Variants in CDC42SE2 observed in about 807,000 individuals in gnomAD.
CDC42SE2 encodes the protein CDC42 small effector 2, also known as CDC42 small effector protein 2.
In CDC42SE2, 3 loss-of-function variants were observed where a neutral mutation model predicts 11.5. The ratio of observed to expected loss-of-function variants is 0.26; its 90% CI spans 0.12 to 0.67. The LOEUF (loss-of-function observed/expected upper bound fraction) is 0.67. Ranked by LOEUF, CDC42SE2 falls within the 30% of genes least tolerant of loss-of-function variation. The pLI, the probability that CDC42SE2 is intolerant of heterozygous loss-of-function variation, is 0.80. For synonymous variants in CDC42SE2, 33 were observed against 34.8 expected (o/e 0.95, Z 0.18); for missense variants, 82 against 106.8 (o/e 0.77, Z 1.02).
At chr5:131,367,829 A>T (rs1749903319) in intron 3 of CDC42SE2, among the ~76,000 whole-genome samples, 1 of 152,160 alleles carries the variant, frequency 6.6e-6, no homozygotes, top group African/African-American at 2.4e-5. Context: ...AATTCACCCA[A>T]ATTTCCCTAT....
chr5:131,252,264 T>C (rs1486309359), intron 1 of CDC42SE2, among the ~76,000 whole-genome samples: 1 of 152,246 alleles, frequency 6.6e-6, no homozygotes, highest in Non-Finnish European at 1.5e-5. Context: ...TTCATATATT[T>C]GAACTTTACT....
the CDC42SE2 span, among the ~76,000 whole-genome samples, chr5:131,212,242 G>A: frequency 1.3e-5 from 2 of 151,830 alleles, no homozygotes; most frequent in Admixed American, 6.6e-5. Context: ...TGAGTAGCTG[G>A]GACTACAGGA....
chr5:131,324,835 C>T (rs757511618), intron 2 of CDC42SE2, among the ~76,000 whole-genome samples: 1 of 152,122 alleles, frequency 6.6e-6, no homozygotes, highest in Non-Finnish European at 1.5e-5. Flanking sequence ...TCTTGGCCCA[C>T]TCTTGGTGAA....
upstream of CDC42SE2, among the ~76,000 whole-genome samples, chr5:131,244,679 G>A (rs535799752): frequency 7.2e-4 from 110 of 152,110 alleles, no homozygotes; most frequent in African/African-American, 2.4e-3. Context: ...CCACAGTACC[G>A]CAGCCTGGGC....
At chr5:131,232,555 A>G in the CDC42SE2 span, among the ~76,000 whole-genome samples, 2 of 151,826 alleles carry the variant, frequency 1.3e-5, no homozygotes, top group Non-Finnish European at 2.9e-5. Flanking sequence ...CAACATGATG[A>G]AACCCCATCT....
At chr5:131,299,432 G>A (rs1010204602) in intron 1 of CDC42SE2, among the ~76,000 whole-genome samples, 3 of 152,114 alleles carry the variant, frequency 2.0e-5, no homozygotes, top group African/African-American at 7.2e-5. Context: ...GTTTGGCTGT[G>A]GGGGATGAGA....
Position 131,385,563 on chromosome 5 carries a change from C to T in CDC42SE2, c.75C>T (p.Asp25=), listed in dbSNP as rs1750456721. ...TTTAGAAAAGGCGACGGCGGATTGA[C>T]AGAAGTATGATTGGAGAGCCCACAA... ...QPQPKRRRRI[D]RSMIGEPTNF... The change falls in exon 4 of 5, where the codon GAC becomes GAT. Residue 25 remains aspartate, a synonymous_variant. Transcript: ENST00000505065. 16 of 1,613,444 alleles carry T rather than the reference C, an allele frequency of 9.9e-6. No homozygotes were observed. The highest frequency in any genetic ancestry group is 1.4e-5 in the Non-Finnish European group (16 of 1,179,634).
chr5:131,230,890 C>T, the CDC42SE2 span, among the ~76,000 whole-genome samples: 1 of 152,116 alleles, frequency 6.6e-6, no homozygotes, highest in East Asian at 1.9e-4. Flanking sequence ...TACAGATTTT[C>T]TCATTGTTAA....
intron 1 of CDC42SE2, among the ~76,000 whole-genome samples, chr5:131,279,451 T>C (rs7700658): frequency 0.024 from 1,662 of 68,786 alleles, no homozygotes; most frequent in Non-Finnish European, 0.042. Flanking sequence ...TTCTCAGCCC[T>C]CCCCCCCCCC....
intron 1 of CDC42SE2, among the ~76,000 whole-genome samples, chr5:131,290,374 G>T (rs1470652018): frequency 6.6e-6 from 1 of 151,640 alleles, no homozygotes; most frequent in East Asian, 1.9e-4. Flanking sequence ...TGCCTTAATT[G>T]GTATCGTGTA....
At chr5:131,329,621 G>C (rs1316906748) in intron 2 of CDC42SE2, among the ~76,000 whole-genome samples, 3 of 151,980 alleles carry the variant, frequency 2.0e-5, no homozygotes, top group Non-Finnish European at 2.9e-5. Flanking sequence ...GCTCACACCT[G>C]TAATCCTAGC....
intron 3 of CDC42SE2, among the ~76,000 whole-genome samples, chr5:131,361,816 C>G (rs1261707445): frequency 2.0e-5 from 3 of 152,136 alleles, no homozygotes; most frequent in Admixed American, 2.0e-4. Context: ...GGCCAAACTC[C>G]GCCTCATCCA....
intron 2 of CDC42SE2, among the ~76,000 whole-genome samples, chr5:131,256,309 C>T (rs1242284307): frequency 1.3e-5 from 2 of 152,196 alleles, no homozygotes; most frequent in Non-Finnish European, 2.9e-5. Flanking sequence ...GAATTGATGC[C>T]TTTGTCTTTA....
chr5:131,239,544 G>GT, the CDC42SE2 span, among the ~76,000 whole-genome samples: 1 of 152,070 alleles, frequency 6.6e-6, no homozygotes, highest in Non-Finnish European at 1.5e-5. Flanking sequence ...ATGTTTTGTT[G>GT]TTTTTTTATT....
intron 1 of CDC42SE2, among the ~76,000 whole-genome samples, chr5:131,314,002 G>GATTTTA (rs1757987251): frequency 6.6e-6 from 1 of 151,834 alleles, no homozygotes; most frequent in Non-Finnish European, 1.5e-5. Context: ...TAAACTGTAG[G>GATTTTA]ATTTTAGAAT....
intron 1 of CDC42SE2, among the ~76,000 whole-genome samples, chr5:131,293,388 A>G (rs1375930734): frequency 6.6e-6 from 1 of 152,136 alleles, no homozygotes; most frequent in Non-Finnish European, 1.5e-5. Context: ...CCTGCCCAAC[A>G]TGGTGAAACC....
intron 1 of CDC42SE2, among the ~76,000 whole-genome samples, chr5:131,254,149 A>C (rs1389538715): frequency 6.6e-6 from 1 of 152,108 alleles, no homozygotes; most frequent in African/African-American, 2.4e-5. Flanking sequence ...CTCGTCATTT[A>C]CATTAGGTAT....
intron 3 of CDC42SE2, among the ~76,000 whole-genome samples, chr5:131,382,475 C>A (rs1561436986): frequency 6.6e-6 from 1 of 152,194 alleles, no homozygotes; most frequent in Non-Finnish European, 1.5e-5. Context: ...GCTCTAAACA[C>A]ACCCTTCTGG....
At chr5:131,369,195 T>G (rs1478272270) in intron 3 of CDC42SE2, among the ~76,000 whole-genome samples, 1 of 152,242 alleles carries the variant, frequency 6.6e-6, no homozygotes, top group Non-Finnish European at 1.5e-5. Flanking sequence ...GGTTGTAATC[T>G]TTTGCGTTTT....
Sources: allele counts gnomAD v4.1 joint callset (sites outside exome capture counted in the v4.1 genomes callset), GRCh38; gene constraint gnomAD v4.1.1; transcripts MANE v1.5; gene names NCBI Gene and HGNC (gene_info 2026-07-23, HGNC 2026-07-21).